Variants in CAMSAP3 observed in about 807,000 individuals in gnomAD.
The protein encoded by CAMSAP3 is calmodulin regulated spectrin associated protein family member 3.
Under a neutral mutation model 112.5 loss-of-function variants are expected in CAMSAP3, and 34 were observed. The ratio of observed to expected loss-of-function variants is 0.30; its 90% CI spans 0.23 to 0.40. The LOEUF (loss-of-function observed/expected upper bound fraction) is 0.40. Ranked by LOEUF, CAMSAP3 falls within the 10% of genes least tolerant of loss-of-function variation. The pLI, the probability that CAMSAP3 is intolerant of heterozygous loss-of-function variation, is 1.00. For synonymous variants in CAMSAP3, 868 were observed against 799.8 expected (o/e 1.09, Z -1.44); for missense variants, 1,602 against 1,770.3 (o/e 0.90, Z 1.71).
At chr19:7,603,084 G>A (rs928558585) in intron 1 of CAMSAP3, among the ~76,000 whole-genome samples, 1 of 152,190 alleles carries the variant, frequency 6.6e-6, no homozygotes, top group Non-Finnish European at 1.5e-5. Context: ...GGTGGGAAAG[G>A]AGCCAGGACA....
intron 14 of CAMSAP3, among the ~76,000 whole-genome samples, chr19:7,616,947 T>TTG (rs1555763668): frequency 1.8e-5 from 2 of 112,302 alleles, no homozygotes; most frequent in East Asian, 2.1e-4. Context: ...TTTTTTTTTT[T>TTG]TTTTTTTTTT....
In CAMSAP3 at chr19:7,615,175, G is replaced by T. The variant is rs749617005; in HGVS notation, c.2671-8G>T. On this transcript the variant is annotated splice_region_variant and splice_polypyrimidine_tract_variant and intron_variant, in intron 11 of 16. Coordinates refer to ENST00000160298, the MANE Select transcript of CAMSAP3 (RefSeq NM_020902.2). This position sits in a 1 kb window ranked among gnomAD's most constrained non-coding sequence, Gnocchi z 6.5. Reference sequence around the variant, plus strand: ...GGGTGGCTGGCTGGACTCGGCGTCTGTCCCCAGGATGAAGACAAGCCTGAG... The same window carrying T: ...GGGTGGCTGGCTGGACTCGGCGTCTTTCCCCAGGATGAAGACAAGCCTGAG... 14 of 1,554,478 alleles carry T rather than the reference G, an allele frequency of 9.0e-6. 1 individual carries two copies. Among genetic ancestry groups the T allele is most frequent in the Non-Finnish European group, 1.2e-5 (14 of 1,149,428 alleles).
In CAMSAP3 at chr19:7,596,066, A is replaced by G; in HGVS notation, c.64A>G (p.Lys22Glu). ...GAGGACCTTTCTAGTGCCCGAGATCAAGTCGCTGGACCAGTACGATTTCTC... is the reference window on the plus strand; with the variant it reads ...GAGGACCTTTCTAGTGCCCGAGATCGAGTCGCTGGACCAGTACGATTTCTC... ...LRRTFLVPEI[K>E]SLDQYDFSRA... The change falls in exon 1 of 17, where the codon AAG becomes GAG. Residue 22 changes from lysine (K) to glutamate (E), a missense_variant. Lys to Glu is a moderately conservative substitution (Grantham distance 56). This residue lies in a region of CAMSAP3 where 147 missense variants were observed against 144.6 expected (regional missense o/e 1.02). Transcript: ENST00000160298. 1 of 1,280,802 alleles carries G rather than the reference A, an allele frequency of 7.8e-7. No individual in the cohort carries two copies. 79.3% of individuals were successfully genotyped at this position (1,280,802 alleles called of 1,614,324 possible).
In CAMSAP3 at chr19:7,612,302, C is replaced by T. The variant is rs769162611; in HGVS notation, c.1809C>T (p.Leu603=). The T allele has an allele frequency of 3.1e-6, 5 of 1,604,368 alleles. No homozygotes were observed. Among genetic ancestry groups the T allele is most frequent in the Admixed American group, 3.4e-5 (2 of 59,154 alleles). ...CCCTGAGCTCGGAGATGAGTGAGCT[C>T]AGCGCCCGGCTGGAGGAGAAACGCA... ...PEALSSEMSE[L]SARLEEKRRA... The change falls in exon 11 of 17, where the codon CTC becomes CTT. Residue 603 remains leucine (L), a synonymous_variant. Coordinates refer to ENST00000160298, the MANE Select transcript of CAMSAP3 (RefSeq NM_020902.2).
At chr19:7,616,650 C>A in intron 14 of CAMSAP3, 28 bp downstream of exon 14, 1 of 1,544,250 alleles carries the variant, frequency 6.5e-7, no homozygotes, top group South Asian at 1.1e-5. Context: ...AGGCGGGGTT[C>A]GTATGCCGGG....
chr19:7,609,921 G>T (rs974350640), intron 5 of CAMSAP3, among the ~76,000 whole-genome samples: 2 of 152,122 alleles, frequency 1.3e-5, no homozygotes, highest in Non-Finnish European at 2.9e-5. Context: ...GTGACGGGGA[G>T]CGGCTGTAAA....
Position 7,606,578 on chromosome 19 carries a change from C to A in CAMSAP3, c.621+7C>A. 6.6e-7 allele frequency: 1 copy of A among 1,524,378 alleles called. No homozygotes were observed. The highest frequency in any genetic ancestry group is 8.8e-7 in the Non-Finnish European group (1 of 1,140,630). The allele number at this position is 1,524,378 out of a possible 1,614,324, so 94.4% of individuals were successfully genotyped here. Reference sequence around the variant, plus strand: ...GGCCCCGGCGCAGCCCTCGGTGAGGCCAGGGCATAGAACCGTCAGAAGGAT... The same window carrying A: ...GGCCCCGGCGCAGCCCTCGGTGAGGACAGGGCATAGAACCGTCAGAAGGAT... On this transcript the variant is annotated splice_region_variant and intron_variant, in intron 4 of 16. Transcript: ENST00000160298.
chr19:7,603,532 AAC>A (rs1228401957), intron 1 of CAMSAP3, among the ~76,000 whole-genome samples: 5 of 151,916 alleles, frequency 3.3e-5, no homozygotes, highest in African/African-American at 1.2e-4. Flanking sequence ...CGTTCTTTCA[AAC>A]ACACACACAG....
At position 7,607,630 on chromosome 19, in the gene CAMSAP3, G is replaced by A. The variant is rs906705741; in HGVS notation, c.622-496G>A. On this transcript the variant is annotated intron_variant, in intron 4 of 16. Coordinates refer to ENST00000160298, the MANE Select transcript of CAMSAP3 (RefSeq NM_020902.2). This position sits in a 1 kb window ranked among gnomAD's most constrained non-coding sequence, Gnocchi z 4.9. ...AGGAGGATTCCCCGCATAAGAGGGG[G>A]TTCCTACTCTGTGGGGTCCCTTGGG... is the stretch of plus-strand genomic sequence containing the variant. Among the ~76,000 whole-genome samples, 3 of 152,124 alleles carry A rather than the reference G, an allele frequency of 2.0e-5. No individual in the cohort carries two copies. Among genetic ancestry groups the A allele is most frequent in the African/African-American group, 7.2e-5 (3 of 41,428 alleles).
chr19:7,604,307 G>C (rs549479963), intron 1 of CAMSAP3, among the ~76,000 whole-genome samples: 1 of 151,876 alleles, frequency 6.6e-6, no homozygotes. Context: ...GCTTCCTCAC[G>C]CCTCTTCCCA....
intron 2 of CAMSAP3, 57 bp from the exon 3 acceptor site, chr19:7,606,214 G>GC: frequency 6.2e-7 from 1 of 1,602,226 alleles, no homozygotes; most frequent in Non-Finnish European, 8.5e-7. Context: ...GCCCTTGGGG[G>GC]CCGAGGTGCG....
At chr19:7,605,579 A>T in intron 2 of CAMSAP3, 100 bp downstream of exon 2, 1 of 1,291,834 alleles carries the variant, frequency 7.7e-7, no homozygotes, top group Non-Finnish European at 1.0e-6. Context: ...TCCCTCTATC[A>T]GTCTTGGCTC....
chr19:7,604,906 C>T lies in CAMSAP3; in HGVS notation c.149-320C>T, dbSNP rs188700227. On this transcript the variant is annotated intron_variant, in intron 1 of 16. Coordinates refer to ENST00000160298, the MANE Select transcript of CAMSAP3 (RefSeq NM_020902.2). The stretch of plus-strand genomic sequence containing the variant: ...TTCCTGGGACCTACAAGAGCCAGTC[C>T]AGCTGGCCTGGTATTGGGGGTAGCC... Among the ~76,000 whole-genome samples, 571 of 152,242 alleles carry T rather than the reference C, an allele frequency of 3.8e-3. 3 individuals carry two copies. Among genetic ancestry groups the T allele is most frequent in the Middle Eastern group, 6.8e-3 (2 of 294 alleles).
rs143559068 is a variant in CAMSAP3, at chr19:7,615,067, A to C, written c.2671-116A>C. The stretch of plus-strand genomic sequence containing the variant: ...GTAGGCACCAACTAAGTGCATTTAG[A>C]ACAATGATGAAAACAAAAGCACAGG... On this transcript the variant is annotated intron_variant, in intron 11 of 16. Coordinates refer to ENST00000160298, the MANE Select transcript of CAMSAP3 (RefSeq NM_020902.2). This position sits in a 1 kb window ranked among gnomAD's most constrained non-coding sequence, Gnocchi z 6.5. 3 of 1,273,436 alleles carry C rather than the reference A, an allele frequency of 2.4e-6. No homozygotes were observed. Among genetic ancestry groups the C allele is most frequent in the Middle Eastern group, 1.8e-4 (1 of 5,448 alleles). The allele number at this position is 1,273,436 out of a possible 1,614,324, so 78.9% of individuals were successfully genotyped here. A position where few individuals can be genotyped will look rare whatever the true frequency, so the allele number is the denominator to read the frequency against.
chr19:7,613,125 G>A lies in CAMSAP3; in HGVS notation c.2632G>A (p.Glu878Lys). The change falls in exon 11 of 17, where the codon GAG becomes AAG. Residue 878 changes from glutamate (E) to lysine (K), a missense_variant. Around this residue, in one of 6 missense-constraint regions of CAMSAP3, gnomAD observed 1,100 missense variants for 1,135.7 expected, o/e 0.97. Transcript: ENST00000160298. ...EDSLEEEASS[E>K]GEPRVGLGFF... ...TTCCTTGGAGGAGGAGGCGTCTTCG[G>A]AGGGGGAGCCCCGGGTGGGGCTGGG... 1.3e-6 allele frequency: 2 copies of A among 1,544,224 alleles called. No homozygotes were observed. Among genetic ancestry groups the A allele is most frequent in the Non-Finnish European group, 1.7e-6 (2 of 1,144,624 alleles).
intron 11 of CAMSAP3, 35 bp downstream of exon 11, chr19:7,613,198 G>T: frequency 7.7e-7 from 1 of 1,294,964 alleles, no homozygotes. Context: ...AGGGTCCTGG[G>T]CCTGGGGCGG....
At position 7,608,163 on chromosome 19, in the gene CAMSAP3, C is replaced by A; in HGVS notation, c.659C>A (p.Ala220Asp). The A allele has an allele frequency of 6.2e-7, 1 of 1,612,128 alleles. No individual in the cohort carries two copies. Among genetic ancestry groups the A allele is most frequent in the Non-Finnish European group, 8.5e-7 (1 of 1,179,880 alleles). Reference protein sequence around the residue: ...YRKDRVVARRAPCFPTVTSLQ... With the variant: ...YRKDRVVARRDPCFPTVTSLQ... ...AAGGACCGTGTGGTGGCGCGACGTG[C>A]CCCCTGCTTCCCGACGGTGACCAGC... The change falls in exon 5 of 17, where the codon GCC becomes GAC. Residue 220 changes from alanine to aspartate, a missense_variant. By Grantham distance (126) the Ala-to-Asp change is moderately radical. Around this residue, in one of 6 missense-constraint regions of CAMSAP3, gnomAD observed 112 missense variants for 94.2 expected, o/e 1.19. Coordinates refer to ENST00000160298, the MANE Select transcript of CAMSAP3 (RefSeq NM_020902.2).
In CAMSAP3 at chr19:7,611,459, G is replaced by T; in HGVS notation, c.1124-58G>T. On this transcript the variant is annotated intron_variant, in intron 9 of 16. Transcript: ENST00000160298. This position sits in a 1 kb window ranked among gnomAD's most constrained non-coding sequence, Gnocchi z 6.9. ...TTGCAGAGGTTGTCCCCAGATGCTG[G>T]CTGACCCCACTCAGGGTTCCCAGGG... 1 of 1,509,642 alleles carries T rather than the reference G, an allele frequency of 6.6e-7. No homozygotes were observed. The highest frequency in any genetic ancestry group is 1.8e-4 in the Middle Eastern group (1 of 5,684). The allele number at this position is 1,509,642 out of a possible 1,614,324, so 93.5% of individuals were successfully genotyped here. A position where few individuals can be genotyped will look rare whatever the true frequency, so the allele number is the denominator to read the frequency against.
chr19:7,609,948 C>T (rs10401933), intron 5 of CAMSAP3, among the ~76,000 whole-genome samples: 7,118 of 152,190 alleles, frequency 0.047, 377 homozygotes, highest in Admixed American at 0.13. Context: ...CACTGCAGCT[C>T]ACCTGCTGTA....
Sources: gnomAD v4.1 joint callset for allele counts (sites outside exome capture counted in the v4.1 genomes callset) on GRCh38, gnomAD v4.1.1 for gene constraint, gnomAD v4.1.1 regional missense constraint, Gnocchi (gnomAD v3.1) non-coding constraint, MANE v1.5 for transcripts, NCBI Gene and HGNC (gene_info 2026-07-23, HGNC 2026-07-21) for gene names.